Variants in AKAP6 observed in about 807,000 individuals in gnomAD.
The protein encoded by AKAP6 is A-kinase anchoring protein 6.
Under a neutral mutation model 188.5 loss-of-function variants are expected in AKAP6, and 58 were observed. That is an observed-to-expected ratio of 0.31 (90% CI 0.25 to 0.38). The LOEUF (loss-of-function observed/expected upper bound fraction) is 0.38, where lower values mean the gene tolerates loss of function less well. Among genes scored for constraint, AKAP6 ranks in the 10% least tolerant of loss-of-function variants. AKAP6 has a pLI of 1.00. For synonymous variants in AKAP6, 989 were observed against 998.6 expected (o/e 0.99, Z 0.18); for missense variants, 2,710 against 2,740.0 (o/e 0.99, Z 0.24).
chr14:32,594,629 C>G (rs1885617691), intron 5 of AKAP6, among the ~76,000 whole-genome samples: 1 of 152,174 alleles, frequency 6.6e-6, no homozygotes, highest in African/African-American at 2.4e-5. Flanking sequence ...AGGAGCCCCT[C>G]TGAGAATGGA....
intron 11 of AKAP6, among the ~76,000 whole-genome samples, chr14:32,770,393 T>G (rs752161028): frequency 2.0e-5 from 3 of 152,230 alleles, no homozygotes; most frequent in Non-Finnish European, 4.4e-5. Context: ...TCTTTCTTTT[T>G]AAATTTTGTT....
At chr14:32,808,395 T>G (rs1423329293) in intron 12 of AKAP6, among the ~76,000 whole-genome samples, 1 of 152,198 alleles carries the variant, frequency 6.6e-6, no homozygotes, top group Non-Finnish European at 1.5e-5. Flanking sequence ...GACCTCATTC[T>G]GAGTTAAAAA....
chr14:32,619,689 T>C (rs933916451), intron 7 of AKAP6, among the ~76,000 whole-genome samples: 1 of 152,166 alleles, frequency 6.6e-6, no homozygotes, highest in Non-Finnish European at 1.5e-5. Flanking sequence ...TTTAGGATTT[T>C]TTCTTCTAAT....
chr14:32,414,797 T>C (rs1235735742), intron 1 of AKAP6, among the ~76,000 whole-genome samples: 1 of 152,190 alleles, frequency 6.6e-6, no homozygotes, highest in Admixed American at 6.5e-5. Flanking sequence ...TGATCAAACC[T>C]AAACTTTTGG....
intron 7 of AKAP6, among the ~76,000 whole-genome samples, chr14:32,667,170 C>T (rs575368265): frequency 2.0e-5 from 3 of 152,182 alleles, no homozygotes; most frequent in South Asian, 2.1e-4. Flanking sequence ...GCATGACCCT[C>T]GGAGCCTAAA....
chr14:32,537,859 G>A (rs1176248950), intron 3 of AKAP6, among the ~76,000 whole-genome samples: 1 of 152,180 alleles, frequency 6.6e-6, no homozygotes, highest in Non-Finnish European at 1.5e-5. Context: ...AAGAGCCATG[G>A]ACGGTAATTG....
intron 3 of AKAP6, among the ~76,000 whole-genome samples, chr14:32,537,420 A>C (rs1055754506): frequency 1.3e-5 from 2 of 152,256 alleles, no homozygotes; most frequent in Admixed American, 6.5e-5. Context: ...AAGAATCTCA[A>C]GCTGACCAAC....
chr14:32,643,389 C>T (rs148875561), intron 7 of AKAP6, among the ~76,000 whole-genome samples: 3 of 151,902 alleles, frequency 2.0e-5, no homozygotes, highest in African/African-American at 4.8e-5. Context: ...CTCACTGCAA[C>T]CTCTGCCTCC....
chr14:32,455,310 C>T lies in AKAP6; in HGVS notation c.324+21493C>T, dbSNP rs982205722. ...GTGATATGAAAATATGCAGATAATA[C>T]ACATATTTAGGTCTTTAAAGAGTTT... On this transcript the variant is annotated intron_variant, in intron 2 of 13. Transcript: ENST00000280979. Among the ~76,000 whole-genome samples the T allele has an allele frequency of 2.6e-5, 4 of 152,026 alleles. No homozygotes were observed. In the East Asian group the frequency reaches 7.7e-4, roughly 29 times the overall value.
chr14:32,657,311 C>T (rs1341584398), intron 7 of AKAP6, among the ~76,000 whole-genome samples: 2 of 152,140 alleles, frequency 1.3e-5, no homozygotes, highest in African/African-American at 2.4e-5. Flanking sequence ...TGAAATAACC[C>T]GTGGCAGGAA....
chr14:32,547,757 T>C (rs1293784907), intron 4 of AKAP6, among the ~76,000 whole-genome samples: 1 of 151,916 alleles, frequency 6.6e-6, no homozygotes, highest in African/African-American at 2.4e-5. Flanking sequence ...GGCAGGAGGA[T>C]TGCTTGAGCT....
intron 7 of AKAP6, among the ~76,000 whole-genome samples, chr14:32,677,006 A>G (rs1262061177): frequency 1.3e-5 from 2 of 152,002 alleles, no homozygotes; most frequent in Admixed American, 1.3e-4. Context: ...TTGTATTTTT[A>G]GTAGAGACGG....
At chr14:32,761,999 T>G (rs2032556191) in intron 11 of AKAP6, among the ~76,000 whole-genome samples, 1 of 152,074 alleles carries the variant, frequency 6.6e-6, no homozygotes, top group East Asian at 1.9e-4. Context: ...GTAAATAGAT[T>G]TCAAAATATA....
At chr14:32,791,264 G>A (rs559681969) in intron 12 of AKAP6, among the ~76,000 whole-genome samples, 76 of 152,102 alleles carry the variant, frequency 5.0e-4, no homozygotes, top group African/African-American at 1.7e-3. Context: ...TTTCTCCAGA[G>A]CCTCTCCAGC....
intron 12 of AKAP6, among the ~76,000 whole-genome samples, chr14:32,820,462 C>T (rs1274963515): frequency 1.3e-5 from 2 of 151,924 alleles, no homozygotes; most frequent in Non-Finnish European, 2.9e-5. Flanking sequence ...CATCAAGGGT[C>T]CCAAGTGGGC....
In AKAP6 at chr14:32,497,702, A is replaced by G. The variant is rs115913923; in HGVS notation, c.325-37852A>G. On this transcript the variant is annotated intron_variant, in intron 2 of 13. Coordinates refer to ENST00000280979, the MANE Select transcript of AKAP6 (RefSeq NM_004274.5). ...CCTTAGTGATTTTATATATATATAT[A>G]TTTTTTTCCAATCAATTTTTGAAAG... Among the ~76,000 whole-genome samples the G allele has an allele frequency of 2.4e-4, 37 of 151,674 alleles. No homozygotes were observed. The East Asian group carries it at 7.2e-3, about 29-fold the overall frequency.
In AKAP6 at chr14:32,821,834, G is replaced by C; in HGVS notation, c.4021G>C (p.Gly1341Arg). 2 of 1,613,834 alleles carry C rather than the reference G, an allele frequency of 1.2e-6. No homozygotes were observed. The highest frequency in any genetic ancestry group is 1.7e-6 in the Non-Finnish European group (2 of 1,179,934). ...TACCAAATCTTTGCCAGATCTTCTA[G>C]GTGGTTCCAATTTGGTAAAGCCCTG... ...SSTKSLPDLL[G>R]GSNLVKPCAC... Residue 1341 changes from glycine (G) to arginine (R), a missense_variant, in exon 13 of 14, where the codon GGT becomes CGT. By Grantham distance (125) the Gly-to-Arg change is moderately radical. Transcript: ENST00000280979.
Position 32,393,190 on chromosome 14 carries a change from T to C in AKAP6, c.-34-40270T>C, listed in dbSNP as rs948764422. Among the ~76,000 whole-genome samples, 14 of 152,168 alleles carry C rather than the reference T, an allele frequency of 9.2e-5. 1 individual carries two copies. The highest frequency in any genetic ancestry group is 9.2e-4 in the Admixed American group (14 of 15,258). ...CACCCCATAACCAAGTGACCAAAGT[T>C]AACATTATCAATATTAAGACATACT... On this transcript the variant is annotated intron_variant, in intron 1 of 13. Coordinates refer to ENST00000280979, the MANE Select transcript of AKAP6 (RefSeq NM_004274.5).
At chr14:32,782,777 C>T (rs1038907639) in intron 12 of AKAP6, among the ~76,000 whole-genome samples, 1 of 151,846 alleles carries the variant, frequency 6.6e-6, no homozygotes, top group African/African-American at 2.4e-5. Context: ...TAATAGTGGA[C>T]TATACTGAAT....
Sources: gnomAD v4.1 joint callset for allele counts (sites outside exome capture counted in the v4.1 genomes callset) on GRCh38, gnomAD v4.1.1 for gene constraint, MANE v1.5 for transcripts, NCBI Gene and HGNC (gene_info 2026-07-23, HGNC 2026-07-21) for gene names.